LAMA2: variants seen among roughly 807,000 people sequenced by gnomAD.
The protein encoded by LAMA2 is laminin subunit alpha-2.
A neutral mutation model predicts 364.8 loss-of-function variants in LAMA2; 269 were observed. That is an observed-to-expected ratio of 0.74 (90% CI 0.67 to 0.82). LAMA2 has a LOEUF of 0.82. Ranked by LOEUF, LAMA2 falls within the 40% of genes least tolerant of loss-of-function variation. LAMA2 has a pLI of 0.00. For missense variants in LAMA2, 3,807 were observed against 3,873.2 expected (o/e 0.98, Z 0.45); for synonymous variants, 1,379 against 1,370.6 (o/e 1.01, Z -0.14).
chr6:129,221,564 C>T (rs1347865349), intron 12 of LAMA2, among the ~76,000 whole-genome samples: 5 of 152,052 alleles, frequency 3.3e-5, no homozygotes, highest in East Asian at 3.9e-4. Flanking sequence ...TAATGGATAT[C>T]TCTTTATACT....
intron 3 of LAMA2, among the ~76,000 whole-genome samples, chr6:129,077,829 A>T (rs1181061425): frequency 6.6e-6 from 1 of 152,146 alleles, no homozygotes; most frequent in Non-Finnish European, 1.5e-5. Flanking sequence ...TCAAGACACT[A>T]TTTCTCACTT....
intron 31 of LAMA2, among the ~76,000 whole-genome samples, chr6:129,350,531 C>G (rs1191391283): frequency 6.6e-6 from 1 of 152,180 alleles, no homozygotes; most frequent in African/African-American, 2.4e-5. Flanking sequence ...CTAAGTGGAA[C>G]AAGTTTTGAG....
At chr6:129,277,517 G>T (rs969923548) in intron 17 of LAMA2, among the ~76,000 whole-genome samples, 17 of 152,124 alleles carry the variant, frequency 1.1e-4, no homozygotes, top group African/African-American at 3.6e-4. Flanking sequence ...ATTTGGATGC[G>T]TTATGTCGAG....
chr6:129,047,474 C>A (rs978794073), intron 1 of LAMA2, among the ~76,000 whole-genome samples: 3 of 152,122 alleles, frequency 2.0e-5, no homozygotes, highest in Non-Finnish European at 4.4e-5. Context: ...CCTCAACTTT[C>A]AGCTGAAGAA....
chr6:128,919,339 G>C (rs1340346962), intron 1 of LAMA2, among the ~76,000 whole-genome samples: 1 of 152,158 alleles, frequency 6.6e-6, no homozygotes, highest in Non-Finnish European at 1.5e-5. Flanking sequence ...ACTTACGTCA[G>C]TCAATCCTGA....
chr6:129,147,004 T>C lies in LAMA2; in HGVS notation c.865T>C (p.Cys289Arg). 6.2e-7 allele frequency: 1 copy of C among 1,612,328 alleles called. No individual in the cohort carries two copies. Among genetic ancestry groups the C allele is most frequent in the Middle Eastern group, 1.7e-4 (1 of 6,052 alleles). ...KDISVGGMCI[C>R]YGHARACPLD... ...TATTTCAGTTGGAGGGATGTGCATCTGCTATGGTCATGCCAGGGCTTGTCC... is the reference window on the plus strand; with the variant it reads ...TATTTCAGTTGGAGGGATGTGCATCCGCTATGGTCATGCCAGGGCTTGTCC... The change falls in exon 6 of 65, where the codon TGC (cysteine) becomes CGC (arginine). Residue 289 changes from cysteine (C) to arginine (R), a missense_variant. Transcript: ENST00000421865.
intron 10 of LAMA2, among the ~76,000 whole-genome samples, chr6:129,178,819 T>C (rs553225269): frequency 6.6e-6 from 1 of 152,006 alleles, no homozygotes; most frequent in Non-Finnish European, 1.5e-5. Context: ...GTAGTAAATA[T>C]TAGTTTTAAT....
At chr6:129,227,915 T>A (rs950073475) in intron 12 of LAMA2, among the ~76,000 whole-genome samples, 1 of 152,226 alleles carries the variant, frequency 6.6e-6, no homozygotes, top group Non-Finnish European at 1.5e-5. Flanking sequence ...GGCTATGTCC[T>A]ACTCCCAGAG....
At chr6:129,048,497 C>T (rs9402096) in intron 1 of LAMA2, among the ~76,000 whole-genome samples, 3,663 of 45,752 alleles carry the variant, frequency 0.08, 61 homozygotes, top group East Asian at 0.16. Context: ...TCTTTCTTTC[C>T]TTCCTTCCTT....
intron 1 of LAMA2, among the ~76,000 whole-genome samples, chr6:128,997,669 C>A (rs966196281): frequency 6.6e-6 from 1 of 152,088 alleles, no homozygotes; most frequent in South Asian, 2.1e-4. Context: ...GTGGCACATG[C>A]CTATACTCCC....
intron 6 of LAMA2, among the ~76,000 whole-genome samples, chr6:129,148,196 C>T (rs1242054657): frequency 6.6e-6 from 1 of 152,078 alleles, no homozygotes; most frequent in African/African-American, 2.4e-5. Context: ...AGATCATGTC[C>T]TTTGCAGGGA....
In LAMA2 at chr6:129,147,038, C is replaced by T; in HGVS notation, c.899C>T (p.Pro300Leu). ...YGHARACPLD[P>L]ATNKSRCECE... ...CATGCCAGGGCTTGTCCACTTGATCCAGCGACAAATGTATGTATATTTATA... is the reference window on the plus strand; with the variant it reads ...CATGCCAGGGCTTGTCCACTTGATCTAGCGACAAATGTATGTATATTTATA... Residue 300 changes from proline to leucine, a missense_variant, in exon 6 of 65, where the codon CCA (proline) becomes CTA (leucine). Transcript: ENST00000421865. The T allele has an allele frequency of 6.2e-7, 1 of 1,602,158 alleles. No homozygotes were observed. The highest frequency in any genetic ancestry group is 8.6e-7 in the Non-Finnish European group (1 of 1,169,312).
At chr6:128,979,595 T>G (rs1192830430) in intron 1 of LAMA2, among the ~76,000 whole-genome samples, 1 of 152,226 alleles carries the variant, frequency 6.6e-6, no homozygotes, top group Non-Finnish European at 1.5e-5. Flanking sequence ...ACTTGGTAGA[T>G]GAACTTGTTC....
intron 1 of LAMA2, among the ~76,000 whole-genome samples, chr6:128,902,046 G>A (rs984814149): frequency 7.2e-5 from 11 of 152,148 alleles, no homozygotes; most frequent in Admixed American, 5.2e-4. Context: ...TCTTCTTCAT[G>A]ATGTCAGGAA....
chr6:129,497,299 G>A (rs551010099), intron 58 of LAMA2, among the ~76,000 whole-genome samples: 36 of 151,698 alleles, frequency 2.4e-4, no homozygotes, highest in Non-Finnish European at 4.9e-4. Flanking sequence ...GTGCAGTGGC[G>A]CAATCATGGC....
At chr6:129,344,067 GTTAT>G (rs1776412466) in intron 30 of LAMA2, among the ~76,000 whole-genome samples, 1 of 152,026 alleles carries the variant, frequency 6.6e-6, no homozygotes, top group African/African-American at 2.4e-5. Context: ...CTAAGAAATA[GTTAT>G]TTAATTTTCT....
At chr6:129,289,526 G>A (rs1003338776) in intron 19 of LAMA2, among the ~76,000 whole-genome samples, 1 of 152,096 alleles carries the variant, frequency 6.6e-6, no homozygotes, top group African/African-American at 2.4e-5. Context: ...GAATTCTAAG[G>A]CTAAGTTAGT....
At chr6:128,887,197 T>C (rs1367489717) in intron 1 of LAMA2, among the ~76,000 whole-genome samples, 1 of 152,182 alleles carries the variant, frequency 6.6e-6, no homozygotes. Context: ...ACATCTTGTG[T>C]TATAACACGC....
chr6:129,465,952 A>G (rs559316538), intron 51 of LAMA2, among the ~76,000 whole-genome samples: 2 of 152,044 alleles, frequency 1.3e-5, no homozygotes, highest in East Asian at 3.9e-4. Flanking sequence ...CTTTTTAAGT[A>G]TATAATTGCT....
Sources: allele counts gnomAD v4.1 joint callset (sites outside exome capture counted in the v4.1 genomes callset), GRCh38; gene constraint gnomAD v4.1.1; transcripts MANE v1.5; gene names NCBI Gene and HGNC (gene_info 2026-07-23, HGNC 2026-07-21).